RBMS1: variants seen among roughly 807,000 people sequenced by gnomAD.
RBMS1 encodes the protein RNA-binding motif, single-stranded-interacting protein 1.
RBMS1 carries 17 observed loss-of-function variants against 62.3 expected under a neutral mutation model. That is an observed-to-expected ratio of 0.27 (90% CI 0.19 to 0.41). The LOEUF (loss-of-function observed/expected upper bound fraction) is 0.41, where lower values mean the gene tolerates loss of function less well. Among genes scored for constraint, RBMS1 ranks in the 10% least tolerant of loss-of-function variants. The pLI is 1.00. For synonymous variants in RBMS1, 172 were observed against 170.0 expected (o/e 1.01, Z -0.09); for missense variants, 334 against 504.5 (o/e 0.66, Z 3.24).
intron 1 of RBMS1, among the ~76,000 whole-genome samples, chr2:160,399,660 T>G (rs1271527906): frequency 6.6e-6 from 1 of 152,108 alleles, no homozygotes; most frequent in Non-Finnish European, 1.5e-5. Context: ...ATTTAACATA[T>G]AAAACTGAGA....
intron 1 of RBMS1, among the ~76,000 whole-genome samples, chr2:160,471,708 T>TATATATATATATATATAC (rs1253734468): frequency 1.3e-4 from 14 of 109,678 alleles, no homozygotes; most frequent in Non-Finnish European, 2.2e-4. Flanking sequence ...TATATATATA[T>TATATATATATATATATAC]ATATATATAA....
rs1574212283 is a variant in RBMS1 at position 160,284,761 on chromosome 2, C to G, written c.900+14G>C. The G allele has an allele frequency of 1.3e-6, 2 of 1,552,360 alleles. No individual in the cohort carries two copies. The highest frequency in any genetic ancestry group is 1.8e-6 in the Non-Finnish European group (2 of 1,123,878). The stretch of plus-strand genomic sequence containing the variant: ...CAAGTGGTTATACTGCTGACGAATC[C>G]TAAAGGTACAAACCTGGTAGGCAGA... On this transcript the variant is annotated intron_variant, in intron 9 of 13. Coordinates refer to ENST00000348849, the MANE Select transcript of RBMS1 (RefSeq NM_016836.4).
chr2:160,328,903 T>G (rs867605742), intron 2 of RBMS1, among the ~76,000 whole-genome samples: 2 of 152,160 alleles, frequency 1.3e-5, no homozygotes, highest in African/African-American at 4.8e-5. Context: ...AATGACTGCT[T>G]CATTCAAAAC....
intron 13 of RBMS1, chr2:160,275,404 A>T: frequency 1.5e-6 from 1 of 651,350 alleles, no homozygotes; most frequent in Admixed American, 4.4e-5. Flanking sequence ...TAGTGGGGAG[A>T]GTATACATTT....
chr2:160,440,074 G>A (rs1402936606), intron 1 of RBMS1, among the ~76,000 whole-genome samples: 2 of 113,512 alleles, frequency 1.8e-5, no homozygotes, highest in Non-Finnish European at 3.7e-5. Context: ...ACCGTGGAGA[G>A]GGGAGAGGGG....
chr2:160,451,108 A>AGGCTGCAG (rs1683964562), intron 1 of RBMS1, among the ~76,000 whole-genome samples: 1 of 151,392 alleles, frequency 6.6e-6, no homozygotes, highest in Non-Finnish European at 1.5e-5. Context: ...GTGAGCTGTG[A>AGGCTGCAG]TGAGCACCAC....
intron 1 of RBMS1, among the ~76,000 whole-genome samples, chr2:160,379,882 C>G (rs1694190954): frequency 6.6e-6 from 1 of 152,180 alleles, no homozygotes; most frequent in Admixed American, 6.5e-5. Context: ...GTTCTGGCCT[C>G]TAGAACAGAG....
At chr2:160,493,187 C>T (rs960994353) in intron 1 of RBMS1, 102 bp downstream of exon 1, 180 of 1,142,250 alleles carry the variant, frequency 1.6e-4, no homozygotes, top group Admixed American at 2.0e-4. Flanking sequence ...CTCCGCCCGG[C>T]GGTGGCGGGG....
intron 2 of RBMS1, among the ~76,000 whole-genome samples, chr2:160,351,261 G>A (rs1341338798): frequency 1.3e-5 from 2 of 151,614 alleles, no homozygotes; most frequent in African/African-American, 4.9e-5. Flanking sequence ...CACAAACATG[G>A]CACATATATA....
chr2:160,419,300 A>G (rs537911416), intron 1 of RBMS1, among the ~76,000 whole-genome samples: 1 of 152,272 alleles, frequency 6.6e-6, no homozygotes, highest in East Asian at 1.9e-4. Flanking sequence ...AAATATTGCA[A>G]ATCACTATAG....
chr2:160,395,340 G>A lies in RBMS1; in HGVS notation c.76-27949C>T, dbSNP rs185047858. Among the ~76,000 whole-genome samples, 6 of 152,240 alleles carry A rather than the reference G, an allele frequency of 3.9e-5. No individual in the cohort carries two copies. In the South Asian group the frequency reaches 6.2e-4, roughly 16 times the overall value. ...ACTTCTGAATTTAAAATCAGATGCT[G>A]AAGGCCGGGCGCAGTGGCTCACGCC... is the stretch of plus-strand genomic sequence containing the variant. On this transcript the variant is annotated intron_variant, in intron 1 of 13. Transcript: ENST00000348849.
chr2:160,310,839 C>A lies in RBMS1; in HGVS notation c.402+2317G>T, dbSNP rs114135601. On this transcript the variant is annotated intron_variant, in intron 4 of 13. Coordinates refer to ENST00000348849, the MANE Select transcript of RBMS1 (RefSeq NM_016836.4). ...AAACATATTTAAAACCTCATAATCA[C>A]CGTCTTTCAATAATGTCACAGAGAA... Among the ~76,000 whole-genome samples the A allele has an allele frequency of 5.7e-3, 873 of 152,144 alleles. 12 individuals are homozygous for A. The highest frequency in any genetic ancestry group is 0.02 in the African/African-American group (831 of 41,468).
chr2:160,485,901 AATAC>A (rs1685582587), intron 1 of RBMS1, among the ~76,000 whole-genome samples: 2 of 152,162 alleles, frequency 1.3e-5, no homozygotes, highest in Non-Finnish European at 2.9e-5. Context: ...GTGACTTGAA[AATAC>A]ATTTTTCTGG....
chr2:160,338,792 A>G (rs930493416), intron 2 of RBMS1, among the ~76,000 whole-genome samples: 12 of 152,220 alleles, frequency 7.9e-5, no homozygotes, highest in South Asian at 2.1e-4. Flanking sequence ...GACAGAGAAG[A>G]CAGGGTGTGC....
intron 1 of RBMS1, among the ~76,000 whole-genome samples, chr2:160,412,737 T>C (rs942987424): frequency 4.6e-5 from 7 of 152,222 alleles, no homozygotes; most frequent in Non-Finnish European, 1.0e-4. Context: ...AGCTCAACTG[T>C]ATAAATGTTT....
intron 1 of RBMS1, among the ~76,000 whole-genome samples, chr2:160,376,569 T>C (rs1035626402): frequency 6.6e-6 from 1 of 152,138 alleles, no homozygotes; most frequent in Non-Finnish European, 1.5e-5. Context: ...AGAAAGTGAG[T>C]GATACTAGAA....
chr2:160,284,227 T>A (rs1403724455), intron 9 of RBMS1: 1 of 153,640 alleles, frequency 6.5e-6, no homozygotes, highest in Non-Finnish European at 1.4e-5. Flanking sequence ...GTTGCTAAGT[T>A]GGGAATTTAT....
chr2:160,355,961 C>T (rs560401079), intron 2 of RBMS1, among the ~76,000 whole-genome samples: 1 of 152,142 alleles, frequency 6.6e-6, no homozygotes, highest in East Asian at 1.9e-4. Flanking sequence ...TGGGATTCAC[C>T]ATTCACTTCT....
intron 2 of RBMS1, among the ~76,000 whole-genome samples, chr2:160,348,333 C>T (rs1017747061): frequency 6.6e-6 from 1 of 151,400 alleles, no homozygotes; most frequent in Non-Finnish European, 1.5e-5. Flanking sequence ...TGACATTTAC[C>T]CATCTACACA....
Sources: allele counts gnomAD v4.1 joint callset (sites outside exome capture counted in the v4.1 genomes callset), GRCh38; gene constraint gnomAD v4.1.1; transcripts MANE v1.5; gene names NCBI Gene and HGNC (gene_info 2026-07-23, HGNC 2026-07-21).